The following PYCR3 variants were observed in gnomAD, a reference collection of about 807,000 sequenced individuals.
PYCR3 encodes the protein pyrroline-5-carboxylate reductase 3.
Under a neutral mutation model 23.4 loss-of-function variants are expected in PYCR3, and 26 were observed. That is an observed-to-expected ratio of 1.11 (90% CI 0.81 to 1.54). PYCR3 has a LOEUF of 1.54. PYCR3 is among the 40% of genes most tolerant of loss of function. PYCR3 has a pLI of 0.00. For synonymous variants in PYCR3, 194 were observed against 162.6 expected (o/e 1.19, Z -1.47); for missense variants, 360 against 376.3 (o/e 0.96, Z 0.36).
chr8:143,609,491 C>A lies in PYCR3; in HGVS notation c.58G>T (p.Ala20Ser). ...RVGFVGAGRM[A>S]GAIAQGLIRA... is the part of the protein sequence containing the mutation. ...ATGAGGCCCTGCGCGATGGCCCCCG[C>A]CATGCGGCCCGCGCCCACGAAGCCC... Residue 20 changes from alanine to serine, a missense_variant, in exon 1 of 6, where the codon GCG (alanine) becomes TCG (serine). Physicochemically the swap from Ala to Ser is moderately conservative, Grantham distance 99 (BLOSUM62 1). Transcript: ENST00000495276. The A allele has an allele frequency of 6.6e-7, 1 of 1,514,418 alleles. No individual in the cohort carries two copies. The highest frequency in any genetic ancestry group is 1.9e-4 in the Middle Eastern group (1 of 5,230). The allele number at this position is 1,514,418 out of a possible 1,614,324, so 93.8% of individuals were successfully genotyped here. A position where few individuals can be genotyped will look rare whatever the true frequency, so the allele number is the denominator to read the frequency against.
chr8:143,605,460 A>G lies in PYCR3; in HGVS notation c.*240T>C, dbSNP rs1299508518. ...TGCAGCAAGGTGGGCTCACTGCAGCAAGGGGCAGAGCCACCACCACGGTGC... is the reference window on the plus strand; with the variant it reads ...TGCAGCAAGGTGGGCTCACTGCAGCGAGGGGCAGAGCCACCACCACGGTGC... On this transcript the variant is annotated 3_prime_UTR_variant, in exon 6 of 6. Coordinates refer to ENST00000495276, the MANE Select transcript of PYCR3 (RefSeq NM_023078.6). 12 of 537,148 alleles carry G rather than the reference A, an allele frequency of 2.2e-5. No homozygotes were observed. The highest frequency in any genetic ancestry group is 4.0e-5 in the Non-Finnish European group (12 of 300,786). 33.3% of individuals were successfully genotyped at this position (537,148 alleles called of 1,614,324 possible). A position where few individuals can be genotyped will look rare whatever the true frequency, so the allele number is the denominator to read the frequency against.
At chr8:143,609,009 AT>A in intron 1 of PYCR3, 2 of 423,268 alleles carry the variant, frequency 4.7e-6, no homozygotes, top group Non-Finnish European at 9.6e-6. Flanking sequence ...ACAGGGGATG[AT>A]TTTGCCTGTC....
In PYCR3 at chr8:143,606,156, T is replaced by G; in HGVS notation, c.550-2A>C. ...CAGGGCCTCGGAGAATGCACACACC[T>G]GTAGCCGCGGCATGGTGGTTGGGGG... is the stretch of plus-strand genomic sequence containing the variant. On this transcript the variant is annotated splice_acceptor_variant, in intron 4 of 5. Transcript: ENST00000495276. LOFTEE classifies it high-confidence loss of function. 5 of 1,604,752 alleles carry G rather than the reference T, an allele frequency of 3.1e-6. No individual in the cohort carries two copies. The highest frequency in any genetic ancestry group is 4.3e-6 in the Non-Finnish European group (5 of 1,176,322).
rs559156375 is a variant in PYCR3 at position 143,603,266 on chromosome 8, C to T, written c.*2434G>A. Reference sequence around the variant, plus strand: ...TTATTTTTAAACTCTTGATCCAACGCTTGGATCAGGAATACCCCCTAGATT... The same window carrying T: ...TTATTTTTAAACTCTTGATCCAACGTTTGGATCAGGAATACCCCCTAGATT... On this transcript the variant is annotated 3_prime_UTR_variant, in exon 6 of 6. Coordinates refer to ENST00000495276, the MANE Select transcript of PYCR3 (RefSeq NM_023078.6). 6.6e-6 allele frequency: 1 copy of T among 152,202 alleles called. No individual in the cohort carries two copies. The highest frequency in any genetic ancestry group is 1.5e-5 in the Non-Finnish European group (1 of 68,044). 9.4% of individuals were successfully genotyped at this position (152,202 alleles called of 1,614,324 possible). A position where few individuals can be genotyped will look rare whatever the true frequency, so the allele number is the denominator to read the frequency against.
intron 1 of PYCR3, chr8:143,608,782 C>T: frequency 2.2e-6 from 1 of 456,324 alleles, no homozygotes; most frequent in South Asian, 1.5e-5. Flanking sequence ...CTCTGGGAGG[C>T]ATGCGGTACT....
Position 143,608,054 on chromosome 8 carries a change from A to T in PYCR3, c.156+8T>A. 6.2e-7 allele frequency: 1 copy of T among 1,609,718 alleles called. No homozygotes were observed. The highest frequency in any genetic ancestry group is 8.5e-7 in the Non-Finnish European group (1 of 1,176,056). On this transcript the variant is annotated splice_region_variant and intron_variant, in intron 2 of 5. Transcript: ENST00000495276. ...TGAGGGTATGAAGAACCTGGGCTCT[A>T]TGCTCACTTGAAAGTGACATAGGTT... is the stretch of plus-strand genomic sequence containing the variant.
chr8:143,605,631 AG>A lies in PYCR3; in HGVS notation c.*68del. On this transcript the variant is annotated 3_prime_UTR_variant, in exon 6 of 6. Transcript: ENST00000495276. The stretch of plus-strand genomic sequence containing the variant: ...CCTCATGCAGGAGGGAGGGAGCCGC[AG>A]TCCTCAGGGGAAGGGACACAGGGAG... The A allele has an allele frequency of 7.2e-7, 1 of 1,398,090 alleles. No homozygotes were observed. The highest frequency in any genetic ancestry group is 1.3e-5 in the South Asian group (1 of 76,712). 86.6% of individuals were successfully genotyped at this position (1,398,090 alleles called of 1,614,324 possible). A position where few individuals can be genotyped will look rare whatever the true frequency, so the allele number is the denominator to read the frequency against.
Position 143,606,633 on chromosome 8 carries a change from G to A in PYCR3, c.383C>T (p.Pro128Leu). ...TATGGCCCCTTCCTGGACCACACAGGGCAGGTTGGGCAAGACCCGCAGCAC... is the reference window on the plus strand; with the variant it reads ...TATGGCCCCTTCCTGGACCACACAGAGCAGGTTGGGCAAGACCCGCAGCAC... The part of the protein sequence containing the change: ...TRVLRVLPNL[P>L]CVVQEGAIVM... Residue 128 changes from proline (P) to leucine (L), a missense_variant, in exon 4 of 6, where the codon CCC (proline) becomes CTC (leucine). Coordinates refer to ENST00000495276, the MANE Select transcript of PYCR3 (RefSeq NM_023078.6). 2 of 1,608,508 alleles carry A rather than the reference G, an allele frequency of 1.2e-6. No homozygotes were observed. Among genetic ancestry groups the A allele is most frequent in the East Asian group, 2.2e-5 (1 of 44,666 alleles).
intron 1 of PYCR3, among the ~76,000 whole-genome samples, 187 bp downstream of exon 1, chr8:143,609,271 G>C (rs1054164635): frequency 2.6e-5 from 4 of 152,274 alleles, no homozygotes; most frequent in Non-Finnish European, 4.4e-5. Flanking sequence ...ACCTAGCCAC[G>C]TGTGACTCAA....
chr8:143,606,753 A>T lies in PYCR3; in HGVS notation c.337-74T>A. The T allele has an allele frequency of 2.1e-6, 3 of 1,461,802 alleles. No individual in the cohort carries two copies. In the South Asian group the frequency reaches 3.7e-5, roughly 18 times the overall value. 90.6% of individuals were successfully genotyped at this position (1,461,802 alleles called of 1,614,324 possible). On this transcript the variant is annotated intron_variant, in intron 3 of 5. Transcript: ENST00000495276. ...CTGGGCAGGCCCCAGCAGGGGCCTC[A>T]GGAAAGGTCCACGTCAGCTCGCGGT... is the stretch of plus-strand genomic sequence containing the variant.
At chr8:143,608,268 C>T (rs900461147) in intron 1 of PYCR3, 142 bp from the exon 2 acceptor site, 13 of 630,308 alleles carry the variant, frequency 2.1e-5, no homozygotes, top group Non-Finnish European at 2.5e-5. Context: ...GAACCCAAAG[C>T]GGGATGCACC....
Position 143,606,546 on chromosome 8 carries a change from T to G in PYCR3, c.470A>C (p.Glu157Ala), listed in dbSNP as rs200450420. The G allele has an allele frequency of 6.3e-5, 101 of 1,612,964 alleles. No homozygotes were observed. The highest frequency in any genetic ancestry group is 8.1e-5 in the Non-Finnish European group (96 of 1,180,010). The change falls in exon 4 of 6, where the codon GAG (glutamate) becomes GCG (alanine). Residue 157 changes from glutamate (E) to alanine (A), a missense_variant. Glu to Ala is a moderately radical substitution (Grantham distance 107, BLOSUM62 -1). Transcript: ENST00000495276. ...SETKLLQHLL[E>A]ACGRCEEVPE... ...CACCTCCTCACACCGCCCACAGGCC[T>G]CCAGCAGATGCTGCAGGAGCTTGGT...
Position 143,609,497 on chromosome 8 carries a change from G to A in PYCR3, c.52C>T (p.Arg18Cys). 10 of 1,514,660 alleles carry A rather than the reference G, an allele frequency of 6.6e-6. No individual in the cohort carries two copies. The highest frequency in any genetic ancestry group is 8.8e-6 in the Non-Finnish European group (10 of 1,139,292). 93.8% of individuals were successfully genotyped at this position (1,514,660 alleles called of 1,614,324 possible). The change falls in exon 1 of 6, where the codon CGC becomes TGC. Residue 18 changes from arginine (R) to cysteine (C), a missense_variant. Arg to Cys is a radical substitution (Grantham distance 180). Coordinates refer to ENST00000495276, the MANE Select transcript of PYCR3 (RefSeq NM_023078.6). ...PRRVGFVGAGRMAGAIAQGLI... is the reference protein window; with the variant it reads ...PRRVGFVGAGCMAGAIAQGLI... ...CCCTGCGCGATGGCCCCCGCCATGC[G>A]GCCCGCGCCCACGAAGCCCACGCGC... is the stretch of plus-strand genomic sequence containing the variant.
intron 5 of PYCR3, 47 bp downstream of exon 5, chr8:143,606,015 A>G: frequency 6.3e-7 from 1 of 1,575,658 alleles, no homozygotes; most frequent in South Asian, 1.1e-5. Context: ...TGGAAGAGGT[A>G]CAGGCCTGGG....
rs773953494 is a variant in PYCR3, at chr8:143,605,825, C to G, written c.700G>C (p.Val234Leu). ...ATGGTGGTGCCACCCGGGGTGCACA[C>G]GTCTGAGCGCAGCTGGGCTGGGTGT... Reference protein sequence around the residue: ...GQHPAQLRSDVCTPGGTTIYG... With the variant: ...GQHPAQLRSDLCTPGGTTIYG... Residue 234 changes from valine to leucine, a missense_variant, in exon 6 of 6, where the codon GTG becomes CTG. By Grantham distance (32) the Val-to-Leu change is conservative. Transcript: ENST00000495276. 5 of 1,611,776 alleles carry G rather than the reference C, an allele frequency of 3.1e-6. No individual in the cohort carries two copies. Among genetic ancestry groups the G allele is most frequent in the Non-Finnish European group, 4.2e-6 (5 of 1,179,584 alleles).
intron 1 of PYCR3, chr8:143,608,436 G>A (rs1206319648): frequency 2.3e-6 from 1 of 441,544 alleles, no homozygotes; most frequent in African/African-American, 2.0e-5. Context: ...TGGAGCAGAA[G>A]AGGCAGTACC....
chr8:143,607,046 C>T lies in PYCR3; in HGVS notation c.243G>A (p.Leu81=), dbSNP rs981117277. ...GAGCCACCTCTGCCAGGACAGCTGG[C>T]AGCACATGAGGCTTGGTGGCAAAGA... ...LVIFATKPHV[L]PAVLAEVAPV... The change falls in exon 3 of 6, where the codon CTG becomes CTA. Residue 81 remains leucine, a synonymous_variant. Transcript: ENST00000495276. The T allele has an allele frequency of 2.5e-6, 4 of 1,613,162 alleles. No homozygotes were observed. In the Admixed American group the frequency reaches 6.7e-5, roughly 27 times the overall value.
chr8:143,606,179 G>C (rs1324690594), intron 4 of PYCR3, 25 bp from the exon 5 acceptor site: 17 of 1,585,704 alleles, frequency 1.1e-5, no homozygotes, highest in East Asian at 2.3e-5. Flanking sequence ...TGGTGGTTGG[G>C]GGGGATAGGT....
Position 143,603,317 on chromosome 8 carries a change from G to T in PYCR3, c.*2383C>A, listed in dbSNP as rs1829300261. On this transcript the variant is annotated 3_prime_UTR_variant, in exon 6 of 6. Transcript: ENST00000495276. ...AACAGTTGGGGCATAGGGCATAAAA[G>T]TGGAACATTGATCAAAGATACCGTA... The T allele has an allele frequency of 6.6e-6, 1 of 152,250 alleles. No homozygotes were observed. The highest frequency in any genetic ancestry group is 6.5e-5 in the Admixed American group (1 of 15,288). 9.4% of individuals were successfully genotyped at this position (152,250 alleles called of 1,614,324 possible).
Sources: gnomAD v4.1 joint callset for allele counts (sites outside exome capture counted in the v4.1 genomes callset) on GRCh38, gnomAD v4.1.1 for gene constraint, MANE v1.5 for transcripts, NCBI Gene and HGNC (gene_info 2026-07-23, HGNC 2026-07-21) for gene names.